The following CCDC178 variants were observed in gnomAD, a reference collection of about 807,000 sequenced individuals.
CCDC178 encodes the protein coiled-coil domain-containing protein 178.
A neutral mutation model predicts 117.4 loss-of-function variants in CCDC178; 126 were observed. That is an observed-to-expected ratio of 1.07 (90% CI 0.93 to 1.24). CCDC178 has a LOEUF of 1.24. CCDC178 is among the 50% of genes most tolerant of loss of function. CCDC178 has a pLI of 0.00. For synonymous variants in CCDC178, 283 were observed against 313.4 expected (o/e 0.90, Z 1.02); for missense variants, 1,030 against 986.9 (o/e 1.04, Z -0.59).
chr18:33,096,298 A>AAAAATATAAAATTTTTATATTTTATAT (rs1598879031), intron 20 of CCDC178, among the ~76,000 whole-genome samples: 53 of 103,616 alleles, frequency 5.1e-4, no homozygotes, highest in East Asian at 3.1e-3. Context: ...TATAAAATAT[A>AAAAATATAAAATTTTTATATTTTATAT]AAAATATAAA....
intron 21 of CCDC178, among the ~76,000 whole-genome samples, chr18:33,008,620 A>G (rs1353876443): frequency 6.6e-6 from 1 of 151,900 alleles, no homozygotes; most frequent in Non-Finnish European, 1.5e-5. Context: ...GCTTATGTTT[A>G]TATCAAAATT....
intron 21 of CCDC178, among the ~76,000 whole-genome samples, chr18:32,994,530 C>G (rs1022320429): frequency 8.5e-5 from 13 of 152,132 alleles, no homozygotes; most frequent in Admixed American, 8.5e-4. Flanking sequence ...TGAAGATACC[C>G]TGTTTCCAGT....
In CCDC178 at chr18:33,212,047, A is replaced by C. The variant is rs1240981339; in HGVS notation, c.2087T>G (p.Phe696Cys). ...DQTLEILKNK[F>C]ITMRFKREHA... ...TTCCCTTTTAAATCTCATAGTTATA[A>C]ATTTGTTCCTGTGAAGAAAGAATTC... The change falls in exon 20 of 23, where the codon TTT becomes TGT. Residue 696 changes from phenylalanine to cysteine, a missense_variant. By Grantham distance (205) the Phe-to-Cys change is radical. Transcript: ENST00000383096. 2 of 1,572,270 alleles carry C rather than the reference A, an allele frequency of 1.3e-6. No individual in the cohort carries two copies. Among genetic ancestry groups the C allele is most frequent in the Non-Finnish European group, 1.7e-6 (2 of 1,164,608 alleles).
intron 6 of CCDC178, among the ~76,000 whole-genome samples, chr18:33,358,465 A>C (rs1274174623): frequency 1.3e-5 from 2 of 151,940 alleles, no homozygotes; most frequent in Non-Finnish European, 2.9e-5. Flanking sequence ...GTGGGATGGA[A>C]CAGGCCAGAA....
intron 5 of CCDC178, among the ~76,000 whole-genome samples, chr18:33,371,960 A>T (rs183647790): frequency 6.6e-6 from 1 of 152,058 alleles, no homozygotes; most frequent in Non-Finnish European, 1.5e-5. Context: ...ACAAGCAGTC[A>T]CTGTTACAGT....
At chr18:33,361,841 C>T (rs1242093884) in intron 6 of CCDC178, among the ~76,000 whole-genome samples, 6 of 151,614 alleles carry the variant, frequency 4.0e-5, no homozygotes, top group African/African-American at 1.5e-4. Context: ...AGCCCTAGTA[C>T]AACTGTTGGT....
intron 11 of CCDC178, among the ~76,000 whole-genome samples, chr18:33,321,825 T>G (rs2062513820): frequency 6.6e-6 from 1 of 151,960 alleles, no homozygotes; most frequent in Non-Finnish European, 1.5e-5. Flanking sequence ...TAGTGATTCA[T>G]GAACGCACTT....
At chr18:33,393,118 G>A (rs1004679007) in intron 4 of CCDC178, among the ~76,000 whole-genome samples, 1 of 152,054 alleles carries the variant, frequency 6.6e-6, no homozygotes, top group African/African-American at 2.4e-5. Context: ...CTCCAAGACT[G>A]GTTGTCAGTA....
chr18:33,388,681 G>A (rs575786322), intron 5 of CCDC178, among the ~76,000 whole-genome samples: 3 of 149,756 alleles, frequency 2.0e-5, no homozygotes, highest in Non-Finnish European at 3.0e-5. Context: ...CACTACGCCC[G>A]GCTAATTTTT....
At chr18:33,316,196 C>T (rs9948910) in intron 11 of CCDC178, among the ~76,000 whole-genome samples, 1 of 152,218 alleles carries the variant, frequency 6.6e-6, no homozygotes, top group Non-Finnish European at 1.5e-5. Context: ...AAGGCCGGAG[C>T]CAGCTCCCTC....
chr18:33,239,728 C>T (rs1261029817), intron 15 of CCDC178, among the ~76,000 whole-genome samples: 1 of 151,736 alleles, frequency 6.6e-6, no homozygotes. Flanking sequence ...ATTATTAGAT[C>T]TAAAGAGAGA....
intron 9 of CCDC178, among the ~76,000 whole-genome samples, chr18:33,344,845 ACAC>A (rs2062868119): frequency 6.7e-6 from 1 of 149,072 alleles, no homozygotes; most frequent in East Asian, 2.0e-4. Context: ...ACACACACAC[ACAC>A]ACACACATAT....
chr18:33,252,929 C>T (rs1299242940), intron 14 of CCDC178, among the ~76,000 whole-genome samples: 1 of 151,676 alleles, frequency 6.6e-6, no homozygotes, highest in African/African-American at 2.4e-5. Context: ...GAAATTCATA[C>T]CACACAGTTA....
chr18:33,366,798 CTGT>C (rs1408755437), intron 6 of CCDC178, among the ~76,000 whole-genome samples: 1 of 151,946 alleles, frequency 6.6e-6, no homozygotes, highest in Non-Finnish European at 1.5e-5. Flanking sequence ...AAGGGTGGTC[CTGT>C]TGTTCTCCCA....
intron 21 of CCDC178, among the ~76,000 whole-genome samples, chr18:33,000,166 A>G (rs986411893): frequency 6.6e-6 from 1 of 152,052 alleles, no homozygotes; most frequent in Non-Finnish European, 1.5e-5. Context: ...AAAAGAACCA[A>G]GAGAAATTCT....
At chr18:33,414,336 T>C (rs1173944162) in intron 2 of CCDC178, among the ~76,000 whole-genome samples, 1 of 152,076 alleles carries the variant, frequency 6.6e-6, no homozygotes, top group Non-Finnish European at 1.5e-5. Context: ...AAAAAAAAAC[T>C]ATCTTGAATG....
chr18:33,031,921 A>G (rs1168061060), intron 21 of CCDC178, among the ~76,000 whole-genome samples: 1 of 152,114 alleles, frequency 6.6e-6, no homozygotes, highest in African/African-American at 2.4e-5. Context: ...TAGTAATGAG[A>G]ATGAACTACT....
chr18:33,009,180 T>C (rs994730502), intron 21 of CCDC178, among the ~76,000 whole-genome samples: 16 of 152,198 alleles, frequency 1.1e-4, no homozygotes, highest in African/African-American at 3.9e-4. Flanking sequence ...ATCCAAGCCA[T>C]CAAAATCTCT....
At chr18:33,017,155 G>A (rs2056009331) in intron 21 of CCDC178, among the ~76,000 whole-genome samples, 1 of 151,774 alleles carries the variant, frequency 6.6e-6, no homozygotes, top group African/African-American at 2.4e-5. Context: ...AAGGAAGAAT[G>A]TAAACTATAT....
Sources: allele counts gnomAD v4.1 joint callset (sites outside exome capture counted in the v4.1 genomes callset), GRCh38; gene constraint gnomAD v4.1.1; transcripts MANE v1.5; gene names NCBI Gene and HGNC (gene_info 2026-07-23, HGNC 2026-07-21).